The following WDFY3 variants were observed in gnomAD, a reference collection of about 807,000 sequenced individuals.
WDFY3 encodes WD repeat and FYVE domain containing 3.
In WDFY3, 66 loss-of-function variants were observed where a neutral mutation model predicts 409.6. That is an observed-to-expected ratio of 0.16 (90% CI 0.13 to 0.20). The LOEUF (loss-of-function observed/expected upper bound fraction) is 0.20. Among genes scored for constraint, WDFY3 ranks in the 10% least tolerant of loss-of-function variants. WDFY3 has a pLI of 1.00. For synonymous variants in WDFY3, 1,521 were observed against 1,537.1 expected (o/e 0.99, Z 0.25); for missense variants, 3,031 against 4,298.1 (o/e 0.71, Z 8.24).
At chr4:84,904,627 C>T (rs1385981364) in intron 2 of WDFY3, among the ~76,000 whole-genome samples, 1 of 152,156 alleles carries the variant, frequency 6.6e-6, no homozygotes, top group African/African-American at 2.4e-5. Context: ...TGCAGGTGTT[C>T]TTTCTGTGCT....
intron 64 of WDFY3, among the ~76,000 whole-genome samples, chr4:84,682,028 G>A (rs1263400283): frequency 6.6e-6 from 1 of 152,200 alleles, no homozygotes; most frequent in East Asian, 1.9e-4. Context: ...TGTGGGGCTG[G>A]GGTGCAGCAG....
chr4:84,794,849 AC>A, intron 20 of WDFY3, 29 bp downstream of exon 20: 1 of 1,545,464 alleles, frequency 6.5e-7, no homozygotes, highest in African/African-American at 1.4e-5. Context: ...TAGAAAAAAA[AC>A]TCATAAGCAG....
Position 84,841,254 on chromosome 4 carries a change from C to T in WDFY3, c.314G>A (p.Ser105Asn). The T allele has an allele frequency of 6.2e-7, 1 of 1,611,990 alleles. No homozygotes were observed. The highest frequency in any genetic ancestry group is 8.5e-7 in the Non-Finnish European group (1 of 1,179,620). Residue 105 changes from serine to asparagine, a missense_variant, in exon 6 of 68, where the codon AGT becomes AAT. Physicochemically the swap from Ser to Asn is conservative, Grantham distance 46. This residue lies in a region of WDFY3 where 1,322 missense variants were observed against 1,697.9 expected (regional missense o/e 0.78). Transcript: ENST00000295888. ...RASNKSTEAA[S>N]RAIVQFLEIN... ...CTCTAGGAACTGAACTATGGCCCGA[C>T]TTGCAGCCTCTATAAAACCAAAGGG...
At chr4:84,879,565 G>A (rs1331526027) in intron 3 of WDFY3, 1 of 151,784 alleles carries the variant, frequency 6.6e-6, no homozygotes, top group African/African-American at 2.4e-5. Flanking sequence ...TACAACCTCA[G>A]GTTAAGGAAG....
At chr4:84,965,451 G>A (rs944297573) in intron 1 of WDFY3, among the ~76,000 whole-genome samples, 1 of 152,124 alleles carries the variant, frequency 6.6e-6, no homozygotes, top group Non-Finnish European at 1.5e-5. Flanking sequence ...TTGTTTCTGT[G>A]AAAGGAAGAC....
intron 56 of WDFY3, among the ~76,000 whole-genome samples, chr4:84,700,754 A>T (rs1359441917): frequency 6.6e-6 from 1 of 152,198 alleles, no homozygotes; most frequent in Non-Finnish European, 1.5e-5. Context: ...TGACAGTGGT[A>T]TCCCTGGGGA....
Position 84,786,046 on chromosome 4 carries a change from G to A in WDFY3, c.3995C>T (p.Ser1332Leu), listed in dbSNP as rs200024401. The A allele has an allele frequency of 7.4e-6, 12 of 1,613,848 alleles. No individual in the cohort carries two copies. The highest frequency in any genetic ancestry group is 2.2e-5 in the South Asian group (2 of 91,060). Residue 1332 changes from serine to leucine, a missense_variant, in exon 24 of 68, where the codon TCG becomes TTG. Physicochemically the swap from Ser to Leu is moderately radical, Grantham distance 145. Coordinates refer to ENST00000295888, the MANE Select transcript of WDFY3 (RefSeq NM_014991.6). Reference sequence around the variant, plus strand: ...CCGGATTCTTGCCACTGTTAGAGACGACACAGAGAGTGCATAGAGGCCAAA... The same window carrying A: ...CCGGATTCTTGCCACTGTTAGAGACAACACAGAGAGTGCATAGAGGCCAAA... ...VSFGLYALSV[S>L]SLTVARIRKV...
chr4:84,721,684 G>A (rs994776236), intron 46 of WDFY3, 112 bp from the exon 47 acceptor site: 2 of 1,220,708 alleles, frequency 1.6e-6, no homozygotes, highest in Non-Finnish European at 2.2e-6. Context: ...AATTTTGGAA[G>A]GTATAGGGAG....
chr4:84,672,633 G>T lies in WDFY3; in HGVS notation c.*235C>A. The T allele has an allele frequency of 2.8e-6, 1 of 352,098 alleles. No homozygotes were observed. The highest frequency in any genetic ancestry group is 5.0e-6 in the Non-Finnish European group (1 of 199,626). The allele number at this position is 352,098 out of a possible 1,614,324, so 21.8% of individuals were successfully genotyped here. ...CATCAGGGAGAACTGGAGGTCGAAA[G>T]TGTTGCTCCTAGGAACCACCTCATA... On this transcript the variant is annotated 3_prime_UTR_variant, in exon 68 of 68. Coordinates refer to ENST00000295888, the MANE Select transcript of WDFY3 (RefSeq NM_014991.6).
intron 2 of WDFY3, among the ~76,000 whole-genome samples, chr4:84,924,963 C>T (rs974794981): frequency 2.7e-4 from 41 of 152,150 alleles, no homozygotes; most frequent in Non-Finnish European, 1.6e-4. Context: ...CATGAAAAAC[C>T]TCATACCTAC....
intron 36 of WDFY3, among the ~76,000 whole-genome samples, chr4:84,745,954 T>C (rs895060266): frequency 1.3e-5 from 2 of 151,936 alleles, no homozygotes; most frequent in South Asian, 2.1e-4. Context: ...GCTTGAGTCA[T>C]CATAATTTGC....
chr4:84,814,975 T>C (rs563805965), intron 13 of WDFY3, among the ~76,000 whole-genome samples: 1 of 152,134 alleles, frequency 6.6e-6, no homozygotes, highest in Non-Finnish European at 1.5e-5. Flanking sequence ...TATCTTTCCC[T>C]GGTTGTTTCC....
In WDFY3 at chr4:84,786,481, C is replaced by T. The variant is rs767562513; in HGVS notation, c.3902-342G>A. Among the ~76,000 whole-genome samples, 8 of 152,244 alleles carry T rather than the reference C, an allele frequency of 5.3e-5. No individual in the cohort carries two copies. The East Asian group carries it at 1.5e-3, about 29-fold the overall frequency. On this transcript the variant is annotated intron_variant, in intron 23 of 67. Coordinates refer to ENST00000295888, the MANE Select transcript of WDFY3 (RefSeq NM_014991.6). ...AAAAGGAATGAAGATGAATAAAATG[C>T]TGATCAGCCATGTAGCACTATGTCC...
At chr4:84,749,593 A>C (rs997271576) in intron 36 of WDFY3, among the ~76,000 whole-genome samples, 1 of 152,176 alleles carries the variant, frequency 6.6e-6, no homozygotes, top group Non-Finnish European at 1.5e-5. Flanking sequence ...CGAGGAAAAA[A>C]ATTTAGTTTT....
Position 84,817,400 on chromosome 4 carries a change from T to C in WDFY3, c.1879A>G (p.Ile627Val). 1 of 1,613,542 alleles carries C rather than the reference T, an allele frequency of 6.2e-7. No homozygotes were observed. The highest frequency in any genetic ancestry group is 8.5e-7 in the Non-Finnish European group (1 of 1,179,580). ...PPTELQLKTD[I>V]LRALLSVLRE... Reference sequence around the variant, plus strand: ...ACATTTATCAAACTTACCCTTAAAATATCAGTCTTCAACTGCAATTCCGTC... The same window carrying C: ...ACATTTATCAAACTTACCCTTAAAACATCAGTCTTCAACTGCAATTCCGTC... The change falls in exon 13 of 68, where the codon ATT becomes GTT. Residue 627 changes from isoleucine to valine, a missense_variant. Around this residue, in one of 16 missense-constraint regions of WDFY3, gnomAD observed 1,322 missense variants for 1,697.9 expected, o/e 0.78. Transcript: ENST00000295888.
chr4:84,758,072 T>C (rs982603396), intron 32 of WDFY3, among the ~76,000 whole-genome samples: 3 of 152,310 alleles, frequency 2.0e-5, no homozygotes, highest in East Asian at 3.9e-4. Flanking sequence ...TCCTCTGTTT[T>C]ATAATGAAAC....
chr4:84,766,603 T>C (rs951424714), intron 30 of WDFY3, among the ~76,000 whole-genome samples: 24 of 152,230 alleles, frequency 1.6e-4, no homozygotes, highest in Non-Finnish European at 4.4e-5. Flanking sequence ...AATAAGGCTG[T>C]GAGATATTTT....
At chr4:84,807,811 C>A (rs543095511) in intron 15 of WDFY3, among the ~76,000 whole-genome samples, 1 of 152,186 alleles carries the variant, frequency 6.6e-6, no homozygotes, top group South Asian at 2.1e-4. Context: ...TTTTTCAAAG[C>A]TTAGCTGTGA....
At chr4:84,874,968 TG>T (rs1762575178) in intron 3 of WDFY3, among the ~76,000 whole-genome samples, 3 of 151,996 alleles carry the variant, frequency 2.0e-5, no homozygotes. Flanking sequence ...TATAGGCAAC[TG>T]TAACACAATG....
Sources: allele counts gnomAD v4.1 joint callset (sites outside exome capture counted in the v4.1 genomes callset), GRCh38; gene constraint gnomAD v4.1.1; regional missense constraint gnomAD v4.1.1; transcripts MANE v1.5; gene names NCBI Gene and HGNC (gene_info 2026-07-23, HGNC 2026-07-21).